SDK1: variants seen among roughly 807,000 people sequenced by gnomAD.
SDK1 encodes sidekick cell adhesion molecule 1.
Under a neutral mutation model 245.5 loss-of-function variants are expected in SDK1, and 157 were observed. That is an observed-to-expected ratio of 0.64 (90% CI 0.56 to 0.73). The LOEUF (loss-of-function observed/expected upper bound fraction) is 0.73, where lower values mean the gene tolerates loss of function less well. Among genes scored for constraint, SDK1 ranks in the 30% least tolerant of loss-of-function variants. The pLI, the probability that SDK1 is intolerant of heterozygous loss-of-function variation, is 0.00. For missense variants in SDK1, 3,583 were observed against 3,002.3 expected (o/e 1.19, Z -4.52); for synonymous variants, 1,647 against 1,278.5 (o/e 1.29, Z -6.15).
intron 5 of SDK1, among the ~76,000 whole-genome samples, chr7:3,853,998 T>A (rs1038353603): frequency 2.6e-5 from 4 of 151,538 alleles, no homozygotes; most frequent in South Asian, 2.1e-4. Flanking sequence ...AAAAAAAAAA[T>A]TTTTTTTGGA....
chr7:3,805,918 T>G (rs563420752), intron 4 of SDK1, among the ~76,000 whole-genome samples: 2 of 152,308 alleles, frequency 1.3e-5, no homozygotes, highest in Non-Finnish European at 2.9e-5. Context: ...CTGGCCTGGC[T>G]CCTTTGCCCC....
At chr7:3,521,466 A>C (rs1782937759) in intron 1 of SDK1, among the ~76,000 whole-genome samples, 1 of 152,236 alleles carries the variant, frequency 6.6e-6, no homozygotes, top group Non-Finnish European at 1.5e-5. Flanking sequence ...TTAGCACTAC[A>C]GTGGATACCC....
At chr7:3,413,538 C>T (rs1018168170) in intron 1 of SDK1, among the ~76,000 whole-genome samples, 2 of 151,802 alleles carry the variant, frequency 1.3e-5, no homozygotes, top group Non-Finnish European at 2.9e-5. Context: ...CTACTAAAGG[C>T]ATGAAAATTA....
chr7:4,006,745 G>A (rs1583807324), intron 14 of SDK1, among the ~76,000 whole-genome samples: 1 of 152,238 alleles, frequency 6.6e-6, no homozygotes, highest in African/African-American at 2.4e-5. Context: ...AGCTGCAGCA[G>A]GACTGGGCAG....
intron 4 of SDK1, among the ~76,000 whole-genome samples, chr7:3,772,852 G>C (rs566573946): frequency 6.6e-6 from 1 of 152,156 alleles, no homozygotes; most frequent in Admixed American, 6.5e-5. Context: ...TAGGATTCTT[G>C]GTTACAGGGT....
At chr7:3,579,635 A>T (rs1423996976) in intron 1 of SDK1, among the ~76,000 whole-genome samples, 2 of 152,140 alleles carry the variant, frequency 1.3e-5, no homozygotes, top group Non-Finnish European at 2.9e-5. Context: ...GCCCTCTCTC[A>T]CCAATCCTAT....
intron 4 of SDK1, among the ~76,000 whole-genome samples, chr7:3,790,061 G>C (rs1781032217): frequency 6.6e-6 from 1 of 152,148 alleles, no homozygotes; most frequent in African/African-American, 2.4e-5. Flanking sequence ...AGTTGAGAAA[G>C]ACCCCGTAGT....
chr7:3,471,306 A>G (rs999930461), intron 1 of SDK1, among the ~76,000 whole-genome samples: 10 of 152,284 alleles, frequency 6.6e-5, no homozygotes, highest in Non-Finnish European at 1.2e-4. Context: ...TAATGAGGAG[A>G]TAAGTATGTA....
intron 4 of SDK1, among the ~76,000 whole-genome samples, chr7:3,697,979 T>G (rs758405496): frequency 1.3e-5 from 2 of 152,112 alleles, no homozygotes; most frequent in South Asian, 2.1e-4. Flanking sequence ...CTGAGGACCT[T>G]GAGACCTGAT....
intron 28 of SDK1, among the ~76,000 whole-genome samples, chr7:4,137,299 G>A (rs1779157762): frequency 6.6e-6 from 1 of 152,158 alleles, no homozygotes; most frequent in African/African-American, 2.4e-5. Context: ...TATCTCAAAG[G>A]CTTTGCAGCC....
At chr7:3,981,607 T>C (rs1030363926) in intron 13 of SDK1, among the ~76,000 whole-genome samples, 3 of 152,180 alleles carry the variant, frequency 2.0e-5, no homozygotes, top group African/African-American at 7.2e-5. Context: ...AACACACAAA[T>C]GATAAGAAAG....
rs1405267275 is a variant in SDK1, at chr7:3,821,558, C to T, written c.822C>T (p.Ser274=). ...AGAAAAATGGAGAAAACAAGACAAG[C>T]CCATTCATTCATTTGAGCATAGCAA... ...VNEKNGENKT[S]PFIHLSIARD... The change falls in exon 5 of 45, where the codon AGC becomes AGT. Residue 274 remains serine, a synonymous_variant. Transcript: ENST00000404826. The T allele has an allele frequency of 6.2e-7, 1 of 1,613,752 alleles. No individual in the cohort carries two copies.
chr7:3,761,448 G>C, intron 4 of SDK1, among the ~76,000 whole-genome samples: 1 of 151,340 alleles, frequency 6.6e-6, no homozygotes. Flanking sequence ...CAGTTACTCG[G>C]AAGGCTGAGG....
intron 4 of SDK1, among the ~76,000 whole-genome samples, chr7:3,697,402 A>T (rs1784606460): frequency 1.3e-5 from 2 of 152,184 alleles, no homozygotes; most frequent in Non-Finnish European, 2.9e-5. Context: ...ATCTTCAACT[A>T]ATGGAATTGA....
chr7:3,354,814 A>T (rs1780749635), intron 1 of SDK1, among the ~76,000 whole-genome samples: 1 of 152,236 alleles, frequency 6.6e-6, no homozygotes. Context: ...ATATCTCAAA[A>T]TGAAAACAGA....
intron 5 of SDK1, among the ~76,000 whole-genome samples, chr7:3,901,077 C>T (rs1035538292): frequency 1.3e-5 from 2 of 152,214 alleles, no homozygotes; most frequent in Admixed American, 6.5e-5. Context: ...TTTTTCTCAA[C>T]ATTGACATCT....
At chr7:4,107,849 T>C (rs962500755) in intron 22 of SDK1, among the ~76,000 whole-genome samples, 2 of 152,216 alleles carry the variant, frequency 1.3e-5, no homozygotes, top group Non-Finnish European at 2.9e-5. Flanking sequence ...CTCCATTACC[T>C]GGAGGCCTGT....
At chr7:4,169,640 C>T (rs1199316832) in intron 32 of SDK1, among the ~76,000 whole-genome samples, 7 of 152,204 alleles carry the variant, frequency 4.6e-5, no homozygotes, top group Non-Finnish European at 5.9e-5. Context: ...TGCAATGAGA[C>T]GGCAAGGCTG....
chr7:3,399,059 C>A (rs1056136568), intron 1 of SDK1, among the ~76,000 whole-genome samples: 1 of 152,060 alleles, frequency 6.6e-6, no homozygotes, highest in Non-Finnish European at 1.5e-5. Context: ...TTCAGTTATT[C>A]TTTCTCTCTT....
Sources: allele counts gnomAD v4.1 joint callset (sites outside exome capture counted in the v4.1 genomes callset), GRCh38; gene constraint gnomAD v4.1.1; transcripts MANE v1.5; gene names NCBI Gene and HGNC (gene_info 2026-07-23, HGNC 2026-07-21).